Variants in C10orf67 observed in about 807,000 individuals in gnomAD.
The protein encoded by C10orf67 is chromosome 10 open reading frame 67.
Under a neutral mutation model 35.6 loss-of-function variants are expected in C10orf67, and 60 were observed. The ratio of observed to expected loss-of-function variants is 1.68; its 90% CI spans 1.37 to 2.09. The LOEUF is 2.09. Ranked by LOEUF, C10orf67 falls within the 30% of genes most tolerant of loss-of-function variation. The probability of loss-of-function intolerance (pLI) is 0.00; values close to 1 mark genes in which losing one functional copy is unlikely to be tolerated. For missense variants in C10orf67, 474 were observed against 330.2 expected (o/e 1.44, Z -3.38); for synonymous variants, 167 against 115.8 (o/e 1.44, Z -2.84).
intron 15 of C10orf67, among the ~76,000 whole-genome samples, chr10:23,219,344 G>A (rs1431873687): frequency 1.3e-5 from 2 of 152,068 alleles, no homozygotes; most frequent in East Asian, 1.9e-4. Flanking sequence ...TGTAAGATTC[G>A]TGTCTTTTGG....
intron 4 of C10orf67, among the ~76,000 whole-genome samples, chr10:23,310,193 C>T (rs892531781): frequency 1.3e-5 from 2 of 152,156 alleles, no homozygotes; most frequent in Admixed American, 6.5e-5. Flanking sequence ...TTAGTAACAA[C>T]TTTAACCTTA....
intron 15 of C10orf67, among the ~76,000 whole-genome samples, chr10:23,214,766 A>T (rs1324288884): frequency 6.6e-6 from 1 of 152,194 alleles, no homozygotes; most frequent in Non-Finnish European, 1.5e-5. Context: ...TCACGCCCGT[A>T]ATCCCCAGCA....
chr10:23,235,521 AGTT>A (rs1410522631), intron 13 of C10orf67, among the ~76,000 whole-genome samples: 3 of 152,246 alleles, frequency 2.0e-5, no homozygotes, highest in African/African-American at 7.2e-5. Context: ...AGGAATGGGC[AGTT>A]GTTTTTTAAA....
chr10:23,239,275 GCTTTAT>G (rs1405434535), intron 13 of C10orf67, among the ~76,000 whole-genome samples: 7 of 152,132 alleles, frequency 4.6e-5, no homozygotes, highest in Non-Finnish European at 8.8e-5. Flanking sequence ...TTAGAATTGG[GCTTTAT>G]CTATTACACG....
chr10:23,237,832 T>A (rs1047179481), intron 13 of C10orf67, among the ~76,000 whole-genome samples: 1 of 152,234 alleles, frequency 6.6e-6, no homozygotes, highest in African/African-American at 2.4e-5. Flanking sequence ...GCAGGGATGA[T>A]GGAAATGCTC....
intron 5 of C10orf67, among the ~76,000 whole-genome samples, chr10:23,298,389 GT>G (rs200839335): frequency 4.8e-4 from 73 of 152,246 alleles, no homozygotes; most frequent in Non-Finnish European, 9.6e-4. Context: ...AGCTATTCCT[GT>G]TTTTTCTGTG....
At chr10:23,320,251 T>C (rs1844892980) in intron 4 of C10orf67, among the ~76,000 whole-genome samples, 1 of 152,198 alleles carries the variant, frequency 6.6e-6, no homozygotes, top group Non-Finnish European at 1.5e-5. Flanking sequence ...GAGAATATAG[T>C]TATAAATGCT....
chr10:23,230,847 G>A (rs890706623), intron 13 of C10orf67, among the ~76,000 whole-genome samples: 34 of 152,210 alleles, frequency 2.2e-4, no homozygotes, highest in Non-Finnish European at 5.0e-4. Context: ...AAGACCATAT[G>A]GAACACTAGA....
intron 15 of C10orf67, among the ~76,000 whole-genome samples, chr10:23,211,820 T>C (rs1841317303): frequency 6.6e-6 from 1 of 152,058 alleles, no homozygotes; most frequent in African/African-American, 2.4e-5. Flanking sequence ...GTATAGTGAG[T>C]TCATGATTTA....
In C10orf67 at chr10:23,298,567, C is replaced by T. The variant is rs182259707; in HGVS notation, c.702+4737G>A. ...AGTGTATATAATGGTCTGGCTATTTCGCCGTACCTGGGAATCCATATTCGG... is the reference window on the plus strand; with the variant it reads ...AGTGTATATAATGGTCTGGCTATTTTGCCGTACCTGGGAATCCATATTCGG... On this transcript the variant is annotated intron_variant, in intron 5 of 15. Transcript: ENST00000636213. Among the ~76,000 whole-genome samples, 193 of 152,264 alleles carry T rather than the reference C, an allele frequency of 1.3e-3. 1 individual carries two copies. Among genetic ancestry groups the T allele is most frequent in the African/African-American group, 4.2e-3 (176 of 41,552 alleles).
chr10:23,308,720 C>G (rs983503110), intron 4 of C10orf67, among the ~76,000 whole-genome samples: 2 of 152,048 alleles, frequency 1.3e-5, no homozygotes, highest in Non-Finnish European at 2.9e-5. Flanking sequence ...TCTTAAACCC[C>G]GAGTGTCTCA....
At chr10:23,211,386 G>A (rs1841300988) in intron 15 of C10orf67, among the ~76,000 whole-genome samples, 1 of 151,642 alleles carries the variant, frequency 6.6e-6, no homozygotes, top group South Asian at 2.1e-4. Context: ...CATCTGCAGA[G>A]ACTCTATTTC....
At chr10:23,335,345 C>T (rs118040424) in intron 1 of C10orf67, among the ~76,000 whole-genome samples, 3,341 of 152,268 alleles carry the variant, frequency 0.022, 49 homozygotes, top group Non-Finnish European at 0.032. Flanking sequence ...CTGAAAGCAT[C>T]CTGACTGATA....
intron 9 of C10orf67, among the ~76,000 whole-genome samples, chr10:23,266,798 A>ACTC (rs1330600269): frequency 1.3e-5 from 2 of 151,344 alleles, no homozygotes; most frequent in Non-Finnish European, 2.9e-5. Context: ...ATCAGGATGC[A>ACTC]CTCCTCCTGA....
At chr10:23,331,202 AGGGAAGAGGG>A (rs1845447175) in intron 2 of C10orf67, among the ~76,000 whole-genome samples, 2 of 24,382 alleles carry the variant, frequency 8.2e-5, no homozygotes, top group African/African-American at 5.3e-4. Context: ...AGGGAAGGGA[AGGGAAGAGGG>A]AAGGGAAGGG....
At chr10:23,230,648 C>G (rs1841882769) in intron 13 of C10orf67, among the ~76,000 whole-genome samples, 1 of 152,062 alleles carries the variant, frequency 6.6e-6, no homozygotes, top group Admixed American at 6.6e-5. Flanking sequence ...AAGGCTGAAA[C>G]CTGCAGTACC....
Position 23,329,173 on chromosome 10 carries a change from T to C in C10orf67, c.327+3889A>G, listed in dbSNP as rs185972650. 7.9e-3 allele frequency among the ~76,000 whole-genome samples: 1,197 copies of C among 151,500 alleles called. 8 individuals are homozygous for C. The highest frequency in any genetic ancestry group is 0.011 in the Non-Finnish European group (732 of 67,860). On this transcript the variant is annotated intron_variant, in intron 2 of 15. Transcript: ENST00000636213. ...GTGTCTGAAATAAAAAATAATGAAA[T>C]AGACAATTCTGCCAAGAGTCACTAA... is the stretch of plus-strand genomic sequence containing the variant.
intron 5 of C10orf67, among the ~76,000 whole-genome samples, chr10:23,294,581 G>A (rs1320606058): frequency 6.6e-6 from 1 of 152,060 alleles, no homozygotes; most frequent in Admixed American, 6.5e-5. Context: ...GTTGCTCTTG[G>A]GAAAATTCGA....
chr10:23,238,043 C>T (rs183269798), intron 13 of C10orf67, among the ~76,000 whole-genome samples: 122 of 152,286 alleles, frequency 8.0e-4, no homozygotes, highest in Non-Finnish European at 1.6e-3. Flanking sequence ...GTAGATCAGG[C>T]ACTATTCTAA....
Sources: gnomAD v4.1 joint callset for allele counts (sites outside exome capture counted in the v4.1 genomes callset) on GRCh38, gnomAD v4.1.1 for gene constraint, MANE v1.5 for transcripts, NCBI Gene and HGNC (gene_info 2026-07-23, HGNC 2026-07-21) for gene names.